Variants in EHMT1 observed in about 807,000 individuals in gnomAD.
EHMT1 encodes the protein histone-lysine N-methyltransferase EHMT1.
EHMT1 carries 15 observed loss-of-function variants against 147.2 expected under a neutral mutation model. The ratio of observed to expected loss-of-function variants is 0.10; its 90% CI spans 0.07 to 0.16. EHMT1 has a LOEUF of 0.16. Ranked by LOEUF, EHMT1 falls within the 10% of genes least tolerant of loss-of-function variation. The probability of loss-of-function intolerance (pLI) is 1.00; values close to 1 mark genes in which losing one functional copy is unlikely to be tolerated. For missense variants in EHMT1, 1,587 were observed against 1,772.4 expected (o/e 0.90, Z 1.88); for synonymous variants, 795 against 709.6 (o/e 1.12, Z -1.91).
Position 137,781,069 on chromosome 9 carries a change from CGG to C in EHMT1, c.2276-1220_2276-1219del, listed in dbSNP as rs1564748172. Among the ~76,000 whole-genome samples, 353 of 55,758 alleles carry C rather than the reference CGG, an allele frequency of 6.3e-3. 4 individuals carry two copies. The highest frequency in any genetic ancestry group is 7.3e-3 in the Admixed American group (30 of 4,120). The allele number at this position is 55,758 out of a possible 152,430, so 36.6% of individuals were successfully genotyped here. A position where few individuals can be genotyped will look rare whatever the true frequency, so the allele number is the denominator to read the frequency against. On this transcript the variant is annotated intron_variant, in intron 14 of 26. Coordinates refer to ENST00000460843, the MANE Select transcript of EHMT1 (RefSeq NM_024757.5). ...ACGCCGAGACGTGTGGTGATGACGC[CGG>C]GATGTGTGGTGATGACGCTGGGATG...
In EHMT1 at chr9:137,652,297, T is replaced by C. The variant is rs190741264; in HGVS notation, c.21+33248T>C. On this transcript the variant is annotated intron_variant, in intron 1 of 26. Transcript: ENST00000460843. Reference sequence around the variant, plus strand: ...TTTGTAGAGATGAGGTCTTGCTATGTTGCCCAAGCCAGGCTGAAGTCATCC... The same window carrying C: ...TTTGTAGAGATGAGGTCTTGCTATGCTGCCCAAGCCAGGCTGAAGTCATCC... Among the ~76,000 whole-genome samples, 34 of 152,328 alleles carry C rather than the reference T, an allele frequency of 2.2e-4. 1 individual carries two copies. The highest frequency in any genetic ancestry group is 6.7e-4 in the African/African-American group (28 of 41,574).
intron 6 of EHMT1, chr9:137,745,485 G>T (rs1588489474): frequency 2.5e-6 from 1 of 398,470 alleles, no homozygotes; most frequent in African/African-American, 2.1e-5. Context: ...GCATGAGGAA[G>T]AAAACACAGC....
chr9:137,726,276 C>T (rs1389118742), intron 3 of EHMT1, among the ~76,000 whole-genome samples: 3 of 152,230 alleles, frequency 2.0e-5, no homozygotes, highest in East Asian at 3.8e-4. Flanking sequence ...ACTGACTTCC[C>T]ATTCCTCTCT....
intron 15 of EHMT1, among the ~76,000 whole-genome samples, chr9:137,790,324 A>G (rs141376168): frequency 6.6e-6 from 1 of 152,346 alleles, no homozygotes; most frequent in Non-Finnish European, 1.5e-5. Context: ...AGACCAAGAA[A>G]AATTTACCTG....
intron 1 of EHMT1, among the ~76,000 whole-genome samples, chr9:137,649,564 G>A (rs1845158431): frequency 6.6e-6 from 1 of 152,312 alleles, no homozygotes; most frequent in South Asian, 2.1e-4. Flanking sequence ...CTTTGCAGAT[G>A]TAATTAATTA....
At chr9:137,806,538 C>T (rs942922024) in intron 18 of EHMT1, among the ~76,000 whole-genome samples, 5 of 151,660 alleles carry the variant, frequency 3.3e-5, no homozygotes, top group African/African-American at 7.3e-5. Flanking sequence ...AGGTTTCAGG[C>T]GATTCTCCTG....
rs561180995 is a variant in EHMT1, at chr9:137,701,996, G to C, written c.22-8971G>C. On this transcript the variant is annotated intron_variant, in intron 1 of 26. Transcript: ENST00000460843. ...TTTAGTAGAAACGGGGTTTCACCATGTTGGCCAGGCTCGTCTCGAACTTCT... is the reference window on the plus strand; with the variant it reads ...TTTAGTAGAAACGGGGTTTCACCATCTTGGCCAGGCTCGTCTCGAACTTCT... Among the ~76,000 whole-genome samples, 5 of 152,084 alleles carry C rather than the reference G, an allele frequency of 3.3e-5. No homozygotes were observed. In the South Asian group the frequency reaches 8.3e-4, roughly 25 times the overall value.
At chr9:137,682,028 G>A (rs1331927801) in intron 1 of EHMT1, among the ~76,000 whole-genome samples, 4 of 152,014 alleles carry the variant, frequency 2.6e-5, no homozygotes, top group Non-Finnish European at 5.9e-5. Flanking sequence ...TCGGCTCACT[G>A]CAAGCTCTGC....
At chr9:137,691,242 G>A (rs1235700630) in intron 1 of EHMT1, among the ~76,000 whole-genome samples, 1 of 151,288 alleles carries the variant, frequency 6.6e-6, no homozygotes, top group African/African-American at 2.4e-5. Flanking sequence ...ATGTCCTTAA[G>A]GTTCATCTGT....
In EHMT1 at chr9:137,631,871, C is replaced by T. The variant is rs1843652258; in HGVS notation, c.21+12822C>T. On this transcript the variant is annotated intron_variant, in intron 1 of 26. Transcript: ENST00000460843. ...TCAGTCTGGGCAGCAGAGTGAGACCCTGTCTCAAAAAAAGAAAAAAAAGAT... is the reference window on the plus strand; with the variant it reads ...TCAGTCTGGGCAGCAGAGTGAGACCTTGTCTCAAAAAAAGAAAAAAAAGAT... Among the ~76,000 whole-genome samples, 4 of 151,992 alleles carry T rather than the reference C, an allele frequency of 2.6e-5. No homozygotes were observed. The South Asian group carries it at 8.3e-4, about 32-fold the overall frequency.
At chr9:137,829,687 G>C (rs934640959) in intron 25 of EHMT1, among the ~76,000 whole-genome samples, 1 of 152,256 alleles carries the variant, frequency 6.6e-6, no homozygotes, top group African/African-American at 2.4e-5. Context: ...AGTGGCCTAT[G>C]GGGGAGACTG....
In EHMT1 at chr9:137,790,878, G is replaced by A; in HGVS notation, c.2413G>A (p.Asp805Asn). The change falls in exon 16 of 27, where the codon GAC becomes AAC. Residue 805 changes from aspartate (D) to asparagine (N), a missense_variant. Coordinates refer to ENST00000460843, the MANE Select transcript of EHMT1 (RefSeq NM_024757.5). The part of the protein sequence containing the change: ...AGANIDTCSE[D>N]QRTPLMEAAE... ...CGCTAATATTGACACCTGCTCAGAA[G>A]ACCAGAGGACCCCGTTGATGGAAGC... 6.2e-7 allele frequency: 1 copy of A among 1,614,160 alleles called. No homozygotes were observed. The highest frequency in any genetic ancestry group is 8.5e-7 in the Non-Finnish European group (1 of 1,180,038).
chr9:137,724,230 AAGTGTC>A (rs1946368140), intron 3 of EHMT1, among the ~76,000 whole-genome samples: 1 of 152,164 alleles, frequency 6.6e-6, no homozygotes, highest in Admixed American at 6.5e-5. Context: ...AAGTGCTGCT[AAGTGTC>A]CTACTGTGTG....
chr9:137,756,571 G>A lies in EHMT1; in HGVS notation c.1370-1309G>A, dbSNP rs529680259. Reference sequence around the variant, plus strand: ...AGGGTGGAGGACGTGTGAGCCCCCCGGGAGCTGCATGTGGTGCTTCAGTTA... The same window carrying A: ...AGGGTGGAGGACGTGTGAGCCCCCCAGGAGCTGCATGTGGTGCTTCAGTTA... On this transcript the variant is annotated intron_variant, in intron 8 of 26. Coordinates refer to ENST00000460843, the MANE Select transcript of EHMT1 (RefSeq NM_024757.5). 4.6e-5 allele frequency among the ~76,000 whole-genome samples: 7 copies of A among 152,290 alleles called. No individual in the cohort carries two copies. The East Asian group carries it at 1.4e-3, about 29-fold the overall frequency.
chr9:137,823,358 A>G, intron 25 of EHMT1: 1 of 314,924 alleles, frequency 3.2e-6, no homozygotes, highest in Non-Finnish European at 6.1e-6. Flanking sequence ...TCGGCCTCCC[A>G]AAGTGCTGGG....
intron 1 of EHMT1, among the ~76,000 whole-genome samples, chr9:137,705,010 C>T (rs921466904): frequency 5.0e-5 from 7 of 139,400 alleles, no homozygotes; most frequent in African/African-American, 1.6e-4. Flanking sequence ...CTTCTTTTGA[C>T]AGCGTCTTCC....
At chr9:137,794,559 A>G (rs543070300) in intron 16 of EHMT1, among the ~76,000 whole-genome samples, 3 of 152,020 alleles carry the variant, frequency 2.0e-5, no homozygotes, top group African/African-American at 7.2e-5. Context: ...AGGCAGGAGC[A>G]TCACCTGAGC....
rs576107674 is a variant in EHMT1, at chr9:137,670,011, T to C, written c.22-40956T>C. 1.5e-4 allele frequency among the ~76,000 whole-genome samples: 23 copies of C among 152,226 alleles called. No individual in the cohort carries two copies. In the East Asian group the frequency reaches 3.3e-3, roughly 22 times the overall value. ...CAGCTGGGTTTACAGGTGTGTGCCA[T>C]CACGCCCAGCTAATGTTTTTGTATT... On this transcript the variant is annotated intron_variant, in intron 1 of 26. Transcript: ENST00000460843.
intron 1 of EHMT1, among the ~76,000 whole-genome samples, chr9:137,704,392 G>A (rs1318026264): frequency 1.3e-5 from 2 of 152,234 alleles, no homozygotes; most frequent in Non-Finnish European, 2.9e-5. Context: ...CCGGAGGCTT[G>A]TGGCCTTGCC....
Sources: gnomAD v4.1 joint callset for allele counts (sites outside exome capture counted in the v4.1 genomes callset) on GRCh38, gnomAD v4.1.1 for gene constraint, MANE v1.5 for transcripts, NCBI Gene and HGNC (gene_info 2026-07-23, HGNC 2026-07-21) for gene names.